Variants in PEG3 observed in about 807,000 individuals in gnomAD.
The protein encoded by PEG3 is paternally expressed 3, also known as paternally-expressed gene 3 protein.
PEG3 carries 23 observed loss-of-function variants against 35.5 expected under a neutral mutation model. That is an observed-to-expected ratio of 0.65 (90% CI 0.47 to 0.92). PEG3 has a LOEUF of 0.92. Ranked by LOEUF, PEG3 falls within the 40% of genes least tolerant of loss-of-function variation. PEG3 has a pLI of 0.00. For missense variants in PEG3, 1,960 were observed against 1,985.3 expected (o/e 0.99, Z 0.24); for synonymous variants, 707 against 697.0 (o/e 1.01, Z -0.23).
chr19:56,829,614 A>AGG (rs2061389649), intron 2 of PEG3, among the ~76,000 whole-genome samples: 1 of 152,230 alleles, frequency 6.6e-6, no homozygotes, highest in Non-Finnish European at 1.5e-5. Context: ...CTTCTCCTGC[A>AGG]GGGCTACCTG....
At position 56,822,782 on chromosome 19, in the gene PEG3, C is replaced by A. The variant is rs531986471; in HGVS notation, c.536G>T (p.Arg179Leu). Reference sequence around the variant, plus strand: ...TCTTGGGTTCCTGGTGTGGGACCAGCGGTCTCGTGGCTCCATGTCTCTGCT... The same window carrying A: ...TCTTGGGTTCCTGGTGTGGGACCAGAGGTCTCGTGGCTCCATGTCTCTGCT... ...GRSRDMEPRD[R>L]WSHTRNPRSR... is the part of the protein sequence containing the mutation. The change falls in exon 6 of 10, where the codon CGC becomes CTC. Residue 179 changes from arginine to leucine, a missense_variant. By Grantham distance (102) the Arg-to-Leu change is moderately radical. Around this residue, in one of 5 missense-constraint regions of PEG3, gnomAD observed 613 missense variants for 577.1 expected, o/e 1.06. Transcript: ENST00000326441. 1 of 1,614,102 alleles carries A rather than the reference C, an allele frequency of 6.2e-7. No homozygotes were observed.
Position 56,816,635 on chromosome 19 carries a change from C to T in PEG3, c.1807G>A (p.Glu603Lys). The change falls in exon 10 of 10, where the codon GAG (glutamate) becomes AAG (lysine). Residue 603 changes from glutamate (E) to lysine (K), a missense_variant. This residue lies in a region of PEG3 where 798 missense variants were observed against 782.4 expected (regional missense o/e 1.02). Coordinates refer to ENST00000326441, the MANE Select transcript of PEG3 (RefSeq NM_006210.3). ...CTGGGCCTAAAGGTTTCCCCGCGCT[C>T]ACGTTCACGTTCACGTTCATGTTCA... ...EREHERERER[E>K]RGETFRPSPA... The T allele has an allele frequency of 1.2e-6, 2 of 1,612,784 alleles. No individual in the cohort carries two copies. The highest frequency in any genetic ancestry group is 2.2e-5 in the East Asian group (1 of 44,866).
chr19:56,826,968 T>C (rs2061101321), intron 2 of PEG3, among the ~76,000 whole-genome samples: 1 of 152,180 alleles, frequency 6.6e-6, no homozygotes, highest in Non-Finnish European at 1.5e-5. Context: ...AATGGCAGGC[T>C]TATAGAGTTC....
At position 56,816,542 on chromosome 19, in the gene PEG3, C is replaced by T. The variant is rs202081125; in HGVS notation, c.1900G>A (p.Glu634Lys). 3.1e-6 allele frequency: 5 copies of T among 1,613,920 alleles called. No individual in the cohort carries two copies. Among genetic ancestry groups the T allele is most frequent in the African/African-American group, 1.3e-5 (1 of 75,022 alleles). ...EKMYECKVCGETFLHSSSLKE... is the reference protein window; with the variant it reads ...EKMYECKVCGKTFLHSSSLKE... ...AGGGATGAGCTATGAAGGAAAGTCT[C>T]CCCACACACCTTACATTCGTACATT... The change falls in exon 10 of 10, where the codon GAG becomes AAG. Residue 634 changes from glutamate (E) to lysine (K), a missense_variant. Glu to Lys is a moderately conservative substitution (Grantham distance 56, BLOSUM62 1). Around this residue, in one of 5 missense-constraint regions of PEG3, gnomAD observed 798 missense variants for 782.4 expected, o/e 1.02. Coordinates refer to ENST00000326441, the MANE Select transcript of PEG3 (RefSeq NM_006210.3).
chr19:56,823,648 G>C lies in PEG3; in HGVS notation c.426C>G (p.Asp142Glu), dbSNP rs766142792. Residue 142 changes from aspartate (D) to glutamate (E), a missense_variant, in exon 5 of 10, where the codon GAC becomes GAG. Asp to Glu is a conservative substitution (Grantham distance 45, BLOSUM62 2). Coordinates refer to ENST00000326441, the MANE Select transcript of PEG3 (RefSeq NM_006210.3). ...ACTCTCTTCTGTTCCGGGTCATGTC[G>C]TCGTCGCTGGTCACGTCACTGTTGT... ...DDNNSDVTSD[D>E]DMTRNRRESS... The C allele has an allele frequency of 4.3e-6, 7 of 1,614,088 alleles. No homozygotes were observed. In the East Asian group the frequency reaches 1.3e-4, roughly 31 times the overall value.
chr19:56,823,928 C>G (rs2060762210), intron 4 of PEG3, among the ~76,000 whole-genome samples: 1 of 152,154 alleles, frequency 6.6e-6, no homozygotes, highest in Non-Finnish European at 1.5e-5. Flanking sequence ...AGAAGGCAAC[C>G]TCCTAGCACA....
chr19:56,813,195 C>G lies in PEG3; in HGVS notation c.*480G>C. 1 of 942,276 alleles carries G rather than the reference C, an allele frequency of 1.1e-6. No homozygotes were observed. Among genetic ancestry groups the G allele is most frequent in the Non-Finnish European group, 1.2e-6 (1 of 813,340 alleles). The allele number at this position is 942,276 out of a possible 1,614,324, so 58.4% of individuals were successfully genotyped here. On this transcript the variant is annotated 3_prime_UTR_variant, in exon 10 of 10. Transcript: ENST00000326441. The stretch of plus-strand genomic sequence containing the variant: ...TATAATCAAATTTGTTGCTCTCTTC[C>G]TCCTCCAAAAAAAAAAAAAATTCAA...
At chr19:56,830,934 A>G (rs1286469459) in intron 2 of PEG3, among the ~76,000 whole-genome samples, 1 of 152,016 alleles carries the variant, frequency 6.6e-6, no homozygotes, top group Non-Finnish European at 1.5e-5. Flanking sequence ...CACCAAAAAA[A>G]TAAAAAACAA....
At position 56,816,291 on chromosome 19, in the gene PEG3, C is replaced by A. The variant is rs745569093; in HGVS notation, c.2151G>T (p.Gly717=). 3.7e-6 allele frequency: 6 copies of A among 1,613,862 alleles called. No homozygotes were observed. The Admixed American group carries it at 6.7e-5, about 18-fold the overall frequency. The stretch of plus-strand genomic sequence containing the variant: ...CACTATGAATGACAGATTTCTCATA[C>A]CCTCTGCCTTCAAAGAGGTTCTTTC... ...HSRKNLFEGR[G]YEKSVIHSGP... The change falls in exon 10 of 10, where the codon GGG becomes GGT. Residue 717 remains glycine, a synonymous_variant. Transcript: ENST00000326441.
chr19:56,838,385 C>A (rs1433015616), intron 1 of PEG3, among the ~76,000 whole-genome samples: 1 of 152,190 alleles, frequency 6.6e-6, no homozygotes, highest in Non-Finnish European at 1.5e-5. Flanking sequence ...ACAGACAGTA[C>A]CGTAGAGGCG....
In PEG3 at chr19:56,810,109, G is replaced by A. The variant is rs1568595433; in HGVS notation, c.*3566C>T. The A allele has an allele frequency of 2.1e-6, 2 of 936,256 alleles. No individual in the cohort carries two copies. The highest frequency in any genetic ancestry group is 9.9e-5 in the South Asian group (2 of 20,290). The allele number at this position is 936,256 out of a possible 1,614,324, so 58.0% of individuals were successfully genotyped here. On this transcript the variant is annotated 3_prime_UTR_variant, in exon 10 of 10. Transcript: ENST00000326441. ...TATTTTTAACTTTATTTTTATTGTT[G>A]ACACTATTACAGATAGAATGACCAC...
intron 3 of PEG3, 134 bp from the exon 4 acceptor site, chr19:56,824,875 A>C: frequency 1.9e-6 from 1 of 530,294 alleles, no homozygotes. Context: ...CAACCGCACA[A>C]AGTTGGCCTC....
chr19:56,819,894 G>A lies in PEG3; in HGVS notation c.670-1192C>T, dbSNP rs1310114259. Reference sequence around the variant, plus strand: ...CTTGCTGAGTAAGCAAAGACAAAGAGGTACGGGTATCTGGGTTTAAGAGGG... The same window carrying A: ...CTTGCTGAGTAAGCAAAGACAAAGAAGTACGGGTATCTGGGTTTAAGAGGG... On this transcript the variant is annotated intron_variant, in intron 7 of 9. Coordinates refer to ENST00000326441, the MANE Select transcript of PEG3 (RefSeq NM_006210.3). Among the ~76,000 whole-genome samples the A allele has an allele frequency of 3.3e-5, 5 of 152,298 alleles. No homozygotes were observed. The East Asian group carries it at 7.7e-4, about 23-fold the overall frequency.
At position 56,814,969 on chromosome 19, in the gene PEG3, G is replaced by A; in HGVS notation, c.3473C>T (p.Thr1158Ile). The A allele has an allele frequency of 1.2e-6, 2 of 1,614,152 alleles. No individual in the cohort carries two copies. Among genetic ancestry groups the A allele is most frequent in the Non-Finnish European group, 1.7e-6 (2 of 1,179,990 alleles). The stretch of plus-strand genomic sequence containing the variant: ...TGGACATTCATACAGCTGCTCTCCA[G>A]TGTAATCTCTCTGATACTCGCTGAT... ...HSISEYQRDY[T>I]GEQLYECPKC... Residue 1158 changes from threonine (T) to isoleucine (I), a missense_variant, in exon 10 of 10, where the codon ACT becomes ATT. By Grantham distance (89) the Thr-to-Ile change is moderately conservative (BLOSUM62 -1). Coordinates refer to ENST00000326441, the MANE Select transcript of PEG3 (RefSeq NM_006210.3). This position sits in a 1 kb window ranked among gnomAD's most constrained non-coding sequence, Gnocchi z 5.8.
At position 56,810,251 on chromosome 19, in the gene PEG3, T is replaced by C. The variant is rs556380335; in HGVS notation, c.*3424A>G. The C allele has an allele frequency of 5.3e-5, 52 of 983,492 alleles. No homozygotes were observed. The highest frequency in any genetic ancestry group is 6.2e-5 in the Non-Finnish European group (51 of 828,278). The allele number at this position is 983,492 out of a possible 1,614,324, so 60.9% of individuals were successfully genotyped here. A position where few individuals can be genotyped will look rare whatever the true frequency, so the allele number is the denominator to read the frequency against. Reference sequence around the variant, plus strand: ...TGGGTGAGTTTCTCTTCTACATTTCTGTAACTTCAAAGTTTCTATAATGAA... The same window carrying C: ...TGGGTGAGTTTCTCTTCTACATTTCCGTAACTTCAAAGTTTCTATAATGAA... On this transcript the variant is annotated 3_prime_UTR_variant, in exon 10 of 10. Coordinates refer to ENST00000326441, the MANE Select transcript of PEG3 (RefSeq NM_006210.3).
chr19:56,839,699 G>A (rs1181490667), intron 1 of PEG3, among the ~76,000 whole-genome samples: 1 of 151,764 alleles, frequency 6.6e-6, no homozygotes, highest in Non-Finnish European at 1.5e-5. Context: ...GGCTGGAACA[G>A]ACCATTACAT....
Position 56,817,422 on chromosome 19 carries a change from T to C in PEG3, c.1020A>G (p.Arg340=). 6.2e-7 allele frequency: 1 copy of C among 1,614,140 alleles called. No individual in the cohort carries two copies. Among genetic ancestry groups the C allele is most frequent in the Non-Finnish European group, 8.5e-7 (1 of 1,180,008 alleles). ...RARESSDRSQ[R]FPRMSDDNWK... ...AGTTATCATCTGACATTCTGGGGAA[T>C]CTCTGTGACCGGTCGCTTGACTCCC... The change falls in exon 10 of 10, where the codon AGA becomes AGG. Residue 340 remains arginine, a synonymous_variant. Coordinates refer to ENST00000326441, the MANE Select transcript of PEG3 (RefSeq NM_006210.3).
rs1331003841 is a variant in PEG3 at position 56,817,334 on chromosome 19, C to A, written c.1108G>T (p.Ala370Ser). ...TTAAACCTAAAGCCTCCCCTAAATG[C>A]ATTCCCTTCATAAACCCGCTGCTGG... ...VIQQRVYEGN[A>S]FRGGFRFNST... Residue 370 changes from alanine to serine, a missense_variant, in exon 10 of 10, where the codon GCA becomes TCA. Around this residue, in one of 5 missense-constraint regions of PEG3, gnomAD observed 613 missense variants for 577.1 expected, o/e 1.06. Transcript: ENST00000326441. 15 of 1,613,964 alleles carry A rather than the reference C, an allele frequency of 9.3e-6. No homozygotes were observed. The highest frequency in any genetic ancestry group is 1.6e-4 in the Middle Eastern group (1 of 6,084).
intron 1 of PEG3, among the ~76,000 whole-genome samples, chr19:56,839,408 T>C (rs946376221): frequency 1.3e-5 from 2 of 151,130 alleles, no homozygotes; most frequent in African/African-American, 4.9e-5. Flanking sequence ...CCATCAAACA[T>C]GGCGTCCAAG....
Sources: gnomAD v4.1 joint callset for allele counts (sites outside exome capture counted in the v4.1 genomes callset) on GRCh38, gnomAD v4.1.1 for gene constraint, gnomAD v4.1.1 regional missense constraint, Gnocchi (gnomAD v3.1) non-coding constraint, MANE v1.5 for transcripts, NCBI Gene and HGNC (gene_info 2026-07-23, HGNC 2026-07-21) for gene names.